FOXN3: variants seen among roughly 807,000 people sequenced by gnomAD.
FOXN3 encodes forkhead box protein N3.
FOXN3 carries 7 observed loss-of-function variants against 38.4 expected under a neutral mutation model. The ratio of observed to expected loss-of-function variants is 0.18; its 90% CI spans 0.10 to 0.34. FOXN3 has a LOEUF of 0.34. FOXN3 is among the 10% of genes least tolerant of loss of function. The pLI is 1.00. For synonymous variants in FOXN3, 230 were observed against 242.2 expected, an observed-to-expected ratio of 0.95 and a Z score of 0.47; for missense variants, 456 against 613.4, an observed-to-expected ratio of 0.74 and a Z score of 2.71.
intron 2 of FOXN3, among the ~76,000 whole-genome samples, chr14:89,377,376 T>A (rs139265555): frequency 0.013 from 1,935 of 152,206 alleles, 36 homozygotes; most frequent in African/African-American, 0.044. Flanking sequence ...AATCTGAATA[T>A]GGACTAGATG....
At position 89,516,774 on chromosome 14, in the gene FOXN3, G is replaced by A. The variant is rs530469777; in HGVS notation, c.-15+102254C>T. On this transcript the variant is annotated intron_variant, in intron 1 of 6. Transcript: ENST00000345097. Reference sequence around the variant, plus strand: ...AACAGGGTTTTGCCATGTTGCCCAGGCTGGTCTCAAACTCCCGAGCTCAAG... The same window carrying A: ...AACAGGGTTTTGCCATGTTGCCCAGACTGGTCTCAAACTCCCGAGCTCAAG... Among the ~76,000 whole-genome samples the A allele has an allele frequency of 5.7e-4, 86 of 152,122 alleles. No homozygotes were observed. In the South Asian group the frequency reaches 9.1e-3, roughly 16 times the overall value.
At position 89,614,976 on chromosome 14, in the gene FOXN3, G is replaced by A. The variant is rs148953676; in HGVS notation, c.-15+4052C>T. On this transcript the variant is annotated intron_variant, in intron 1 of 6. Transcript: ENST00000345097. ...CTCTTCCCGAATTTGAAACATCTAG[G>A]AATTGAAGCAATTAAATATACTCAT... Among the ~76,000 whole-genome samples, 302 of 152,180 alleles carry A rather than the reference G, an allele frequency of 2.0e-3. 2 individuals are homozygous for A. Among genetic ancestry groups the A allele is most frequent in the African/African-American group, 7.0e-3 (290 of 41,496 alleles).
chr14:89,321,299 T>TA lies in FOXN3; in HGVS notation c.680+29372dup, dbSNP rs1395255365. Among the ~76,000 whole-genome samples the TA allele has an allele frequency of 6.1e-4, 90 of 148,584 alleles. 3 individuals are homozygous for TA. The East Asian group carries it at 0.011, about 18-fold the overall frequency. On this transcript the variant is annotated intron_variant, in intron 3 of 5. Coordinates refer to ENST00000557258, the MANE Select transcript of FOXN3 (RefSeq NM_005197.4). ...CTGTCTCAAAAAATATATTAAAAAA[T>TA]AAAAAAAAATTAAGGGCTGGGTAAT...
chr14:89,577,431 A>G (rs1159439797), intron 1 of FOXN3: 1 of 152,208 alleles, frequency 6.6e-6, no homozygotes, highest in Non-Finnish European at 1.5e-5. Flanking sequence ...CAGTAGACGA[A>G]TCAGGAAGGT....
chr14:89,350,507 G>T, intron 3 of FOXN3, 165 bp downstream of exon 3: 1 of 545,260 alleles, frequency 1.8e-6, no homozygotes, highest in Non-Finnish European at 3.0e-6. Flanking sequence ...AGGTTTGTAG[G>T]AAATACAACA....
intron 4 of FOXN3, among the ~76,000 whole-genome samples, chr14:89,227,860 G>A (rs575003368): frequency 3.9e-5 from 6 of 152,158 alleles, no homozygotes; most frequent in Admixed American, 1.3e-4. Context: ...AAGGGACCTC[G>A]GTCCTAACAA....
chr14:89,568,382 G>C (rs543231833), intron 1 of FOXN3, among the ~76,000 whole-genome samples: 12 of 152,028 alleles, frequency 7.9e-5, no homozygotes, highest in Non-Finnish European at 7.4e-5. Flanking sequence ...TCCCATGAGA[G>C]CTAGAATAAA....
At chr14:89,212,898 T>C (rs1220540429) in intron 4 of FOXN3, among the ~76,000 whole-genome samples, 1 of 152,136 alleles carries the variant, frequency 6.6e-6, no homozygotes, top group East Asian at 1.9e-4. Flanking sequence ...CTGGAGCTCA[T>C]TGTTGCTAAA....
At chr14:89,427,307 T>TA (rs1892058840) in intron 1 of FOXN3, among the ~76,000 whole-genome samples, 1 of 128,416 alleles carries the variant, frequency 7.8e-6, no homozygotes, top group Non-Finnish European at 1.7e-5. Flanking sequence ...GGGACTTTTT[T>TA]TTTTTTTTTT....
chr14:89,360,485 G>C (rs1305526957), intron 2 of FOXN3, among the ~76,000 whole-genome samples: 1 of 145,314 alleles, frequency 6.9e-6, no homozygotes, highest in Non-Finnish European at 1.5e-5. Flanking sequence ...AAGAGGGGAA[G>C]GAAAGAGGAA....
At chr14:89,294,551 T>A (rs903870792) in intron 3 of FOXN3, among the ~76,000 whole-genome samples, 7 of 152,058 alleles carry the variant, frequency 4.6e-5, no homozygotes, top group African/African-American at 1.4e-4. Context: ...GCATTCTAAG[T>A]CACAGGATGA....
At chr14:89,485,943 A>C (rs1893435346) in intron 1 of FOXN3, among the ~76,000 whole-genome samples, 1 of 152,156 alleles carries the variant, frequency 6.6e-6, no homozygotes, top group Non-Finnish European at 1.5e-5. Flanking sequence ...TCCCTGGTCC[A>C]TGAATTCTTC....
intron 1 of FOXN3, among the ~76,000 whole-genome samples, chr14:89,574,377 T>C (rs1414358913): frequency 1.3e-5 from 2 of 152,216 alleles, no homozygotes; most frequent in African/African-American, 4.8e-5. Context: ...ACTTCCAGAA[T>C]AAGGTTTCTG....
intron 4 of FOXN3, among the ~76,000 whole-genome samples, chr14:89,263,266 G>A (rs1013346665): frequency 6.6e-6 from 1 of 151,946 alleles, no homozygotes. Flanking sequence ...TTTGCTGAAG[G>A]GTTTTCATTT....
At chr14:89,516,110 T>C (rs436395) in intron 1 of FOXN3, among the ~76,000 whole-genome samples, 83,818 of 151,046 alleles carry the variant, frequency 0.55, 23,596 homozygotes, top group Admixed American at 0.6. Flanking sequence ...TTGTGCATCT[T>C]GGGGAGGCAG....
chr14:89,277,241 C>T (rs1272984396), intron 4 of FOXN3, among the ~76,000 whole-genome samples: 1 of 152,156 alleles, frequency 6.6e-6, no homozygotes. Flanking sequence ...GACCGTAACA[C>T]AGAGACACAC....
intron 2 of FOXN3, among the ~76,000 whole-genome samples, chr14:89,382,307 A>T (rs1270994737): frequency 6.6e-6 from 1 of 151,898 alleles, no homozygotes; most frequent in African/African-American, 2.4e-5. Context: ...ACTCTACTTC[A>T]TTATACTTCA....
intron 4 of FOXN3, among the ~76,000 whole-genome samples, chr14:89,200,456 G>A (rs962874276): frequency 3.9e-5 from 6 of 152,126 alleles, no homozygotes; most frequent in Admixed American, 1.3e-4. Context: ...TGTCTCAGGC[G>A]CCCCAATTCT....
intron 1 of FOXN3, among the ~76,000 whole-genome samples, chr14:89,434,964 T>C (rs770456155): frequency 1.5e-4 from 23 of 152,190 alleles, no homozygotes; most frequent in Non-Finnish European, 2.6e-4. Flanking sequence ...CAGGTACAGA[T>C]CAACCTTAGT....
Sources: allele counts gnomAD v4.1 joint callset (sites outside exome capture counted in the v4.1 genomes callset), GRCh38; gene constraint gnomAD v4.1.1; transcripts MANE v1.5; gene names NCBI Gene and HGNC (gene_info 2026-07-23, HGNC 2026-07-21).